PIEZO2: variants seen among roughly 807,000 people sequenced by gnomAD.
The protein encoded by PIEZO2 is piezo type mechanosensitive ion channel component 2, also known as piezo-type mechanosensitive ion channel component 2.
PIEZO2 carries 172 observed loss-of-function variants against 337.3 expected under a neutral mutation model. The observed-to-expected ratio is 0.51, with a 90% confidence interval of 0.45 to 0.58. The LOEUF (loss-of-function observed/expected upper bound fraction) is 0.58. Ranked by LOEUF, PIEZO2 falls within the 20% of genes least tolerant of loss-of-function variation. The probability of loss-of-function intolerance (pLI) is 0.00; values close to 1 mark genes in which losing one functional copy is unlikely to be tolerated. For missense variants in PIEZO2, 3,028 were observed against 3,391.3 expected (o/e 0.89, Z 2.66); for synonymous variants, 1,251 against 1,228.5 (o/e 1.02, Z -0.38).
In PIEZO2 at chr18:10,758,181, A is replaced by C. The variant is rs942286908; in HGVS notation, c.3758-47T>G. The C allele has an allele frequency of 7.3e-6, 11 of 1,514,398 alleles. No homozygotes were observed. In the African/African-American group the frequency reaches 1.5e-4, roughly 21 times the overall value. The allele number at this position is 1,514,398 out of a possible 1,614,324, so 93.8% of individuals were successfully genotyped here. On this transcript the variant is annotated intron_variant, in intron 26 of 55. Coordinates refer to ENST00000674853, the MANE Select transcript of PIEZO2 (RefSeq NM_001378183.1). Reference sequence around the variant, plus strand: ...CATTAAGCCGCCTCATCCTCTTCTGATTTACATAATGCAACACACAGTCAT... The same window carrying C: ...CATTAAGCCGCCTCATCCTCTTCTGCTTTACATAATGCAACACACAGTCAT...
In PIEZO2 at chr18:10,979,802, T is replaced by A. The variant is rs1295870696; in HGVS notation, c.161-142A>T. On this transcript the variant is annotated intron_variant, in intron 2 of 55. Coordinates refer to ENST00000674853, the MANE Select transcript of PIEZO2 (RefSeq NM_001378183.1). The surrounding 1 kb of genome is among the most constrained non-coding windows in gnomAD (Gnocchi z 4.0). ...ATGTAATAATTATCATCTTAATTAT[T>A]AGTCTATAGCTAAATGGTATCTTAT... 3 of 720,478 alleles carry A rather than the reference T, an allele frequency of 4.2e-6. No homozygotes were observed. Among genetic ancestry groups the A allele is most frequent in the Non-Finnish European group, 6.0e-6 (3 of 498,030 alleles). 44.6% of individuals were successfully genotyped at this position (720,478 alleles called of 1,614,324 possible). A position where few individuals can be genotyped will look rare whatever the true frequency, so the allele number is the denominator to read the frequency against.
chr18:11,147,842 C>G (rs2040847482), intron 1 of PIEZO2, among the ~76,000 whole-genome samples: 2 of 152,234 alleles, frequency 1.3e-5, no homozygotes, highest in Admixed American at 6.5e-5. Flanking sequence ...CCTTGCCAGT[C>G]CCAAGGAGTT....
Position 10,979,678 on chromosome 18 carries a change from C to T in PIEZO2, c.161-18G>A, listed in dbSNP as rs1275202674. The stretch of plus-strand genomic sequence containing the variant: ...CGTATGTCCTAAGGGATAAAAAGTG[C>T]AGAGATTGTGAGAGAGCTTAAGATG... On this transcript the variant is annotated intron_variant, in intron 2 of 55. Coordinates refer to ENST00000674853, the MANE Select transcript of PIEZO2 (RefSeq NM_001378183.1). The surrounding 1 kb of genome is among the most constrained non-coding windows in gnomAD (Gnocchi z 4.0). 10 of 1,520,314 alleles carry T rather than the reference C, an allele frequency of 6.6e-6. No homozygotes were observed. 94.2% of individuals were successfully genotyped at this position (1,520,314 alleles called of 1,614,324 possible).
chr18:11,059,966 A>G (rs955162760), intron 2 of PIEZO2, among the ~76,000 whole-genome samples: 35 of 152,172 alleles, frequency 2.3e-4, no homozygotes, highest in Non-Finnish European at 4.0e-4. Flanking sequence ...TCTTCTCAGC[A>G]CCACACCGCA....
At position 10,762,950 on chromosome 18, in the gene PIEZO2, G is replaced by C. The variant is rs2038200004; in HGVS notation, c.3095C>G (p.Pro1032Arg). ...KMLYQLQTIK[P>R]ENFSVNCSLP... Reference sequence around the variant, plus strand: ...GGAACAGTTAACAGAGAAGTTCTCAGGCTTAATGGTTTGGAGCTGGTACAA... The same window carrying C: ...GGAACAGTTAACAGAGAAGTTCTCACGCTTAATGGTTTGGAGCTGGTACAA... Residue 1032 changes from proline (P) to arginine (R), a missense_variant, in exon 22 of 56, where the codon CCT (proline) becomes CGT (arginine). Physicochemically the swap from Pro to Arg is moderately radical, Grantham distance 103. Around this residue, in one of 5 missense-constraint regions of PIEZO2, gnomAD observed 1,925 missense variants for 2,051.9 expected, o/e 0.94. Transcript: ENST00000674853. The C allele has an allele frequency of 2.0e-6, 3 of 1,537,298 alleles. No homozygotes were observed. The highest frequency in any genetic ancestry group is 2.6e-6 in the Non-Finnish European group (3 of 1,146,920).
chr18:10,861,167 T>C lies in PIEZO2; in HGVS notation c.493-3956A>G, dbSNP rs938112326. 1.3e-5 allele frequency among the ~76,000 whole-genome samples: 2 copies of C among 152,212 alleles called. No individual in the cohort carries two copies. The highest frequency in any genetic ancestry group is 2.9e-5 in the Non-Finnish European group (2 of 68,022). ...CTCGCATGTTTACTAACAGGCAGTC[T>C]TGCTTGCTGGAGCTGTAAGCTGTCC... On this transcript the variant is annotated intron_variant, in intron 5 of 55. Coordinates refer to ENST00000674853, the MANE Select transcript of PIEZO2 (RefSeq NM_001378183.1). This position sits in a 1 kb window ranked among gnomAD's most constrained non-coding sequence, Gnocchi z 4.3.
At chr18:10,987,004 G>T (rs1048093097) in intron 2 of PIEZO2, among the ~76,000 whole-genome samples, 1 of 151,846 alleles carries the variant, frequency 6.6e-6, no homozygotes, top group Admixed American at 6.6e-5. Flanking sequence ...TTGCCAAGGA[G>T]GTGAAAGATC....
chr18:11,148,429 C>G lies in PIEZO2; in HGVS notation c.64+96G>C. The G allele has an allele frequency of 7.2e-7, 1 of 1,386,444 alleles. No individual in the cohort carries two copies. Among genetic ancestry groups the G allele is most frequent in the Non-Finnish European group, 9.9e-7 (1 of 1,014,412 alleles). The allele number at this position is 1,386,444 out of a possible 1,614,324, so 85.9% of individuals were successfully genotyped here. On this transcript the variant is annotated intron_variant, in intron 1 of 55. Coordinates refer to ENST00000674853, the MANE Select transcript of PIEZO2 (RefSeq NM_001378183.1). The surrounding 1 kb of genome is among the most constrained non-coding windows in gnomAD (Gnocchi z 5.2). ...CGCCGCTGGCCTCCCGAATCGAACC[C>G]CAGAGCACCAGAGCCCTTCACTTTG...
At position 10,699,069 on chromosome 18, in the gene PIEZO2, G is replaced by C; in HGVS notation, c.6550C>G (p.Leu2184Val). The C allele has an allele frequency of 6.5e-7, 1 of 1,537,232 alleles. No homozygotes were observed. Among genetic ancestry groups the C allele is most frequent in the Non-Finnish European group, 8.7e-7 (1 of 1,146,910 alleles). ...GACGCGGCCAGGTTGATGGACTTGA[G>C]AGAATCGGAGGAGTCCCTCCTGCCA... Reference protein sequence around the residue: ...GHGRRDSSDSLKSINLAASVE... With the variant: ...GHGRRDSSDSVKSINLAASVE... Residue 2184 changes from leucine to valine, a missense_variant, in exon 44 of 56, where the codon CTC becomes GTC. Leu to Val is a conservative substitution (Grantham distance 32, BLOSUM62 1). Transcript: ENST00000674853.
chr18:10,900,485 T>G (rs565062153), intron 4 of PIEZO2, among the ~76,000 whole-genome samples: 74 of 152,328 alleles, frequency 4.9e-4, no homozygotes, highest in African/African-American at 1.7e-3. Flanking sequence ...TATGATGAAA[T>G]GCAGATATCT....
At chr18:10,792,955 TA>T in intron 13 of PIEZO2, among the ~76,000 whole-genome samples, 1 of 152,328 alleles carries the variant, frequency 6.6e-6, no homozygotes, top group East Asian at 1.9e-4. Flanking sequence ...TCTGCCTTTT[TA>T]AAAATTATAG....
chr18:10,767,622 A>G lies in PIEZO2; in HGVS notation c.2946+2526T>C, dbSNP rs2038418983. Among the ~76,000 whole-genome samples the G allele has an allele frequency of 6.6e-6, 1 of 152,102 alleles. No homozygotes were observed. Among genetic ancestry groups the G allele is most frequent in the Non-Finnish European group, 1.5e-5 (1 of 68,014 alleles). On this transcript the variant is annotated intron_variant, in intron 21 of 55. Transcript: ENST00000674853. This position sits in a 1 kb window ranked among gnomAD's most constrained non-coding sequence, Gnocchi z 4.2. ...GCACTGGTACCCATGGGGCCAGAAG[A>G]GATGAAGAGCTCTGGTTACAGGGTG...
chr18:10,992,487 A>C (rs780523352), intron 2 of PIEZO2, among the ~76,000 whole-genome samples: 1 of 152,202 alleles, frequency 6.6e-6, no homozygotes, highest in African/African-American at 2.4e-5. Context: ...TTAAAGACAG[A>C]ATCCCTTCCC....
At chr18:10,882,595 A>AT (rs770918294) in intron 4 of PIEZO2, among the ~76,000 whole-genome samples, 4 of 152,038 alleles carry the variant, frequency 2.6e-5, no homozygotes, top group African/African-American at 9.7e-5. Context: ...CATTTAAAAC[A>AT]TTTTTTCCCA....
intron 47 of PIEZO2, among the ~76,000 whole-genome samples, chr18:10,693,534 A>T (rs1277964531): frequency 7.5e-5 from 11 of 146,468 alleles, no homozygotes; most frequent in Non-Finnish European, 1.2e-4. Flanking sequence ...CACATAAGGC[A>T]TTTTTTTTTT....
At chr18:10,946,795 C>G (rs753698493) in intron 3 of PIEZO2, among the ~76,000 whole-genome samples, 1 of 151,960 alleles carries the variant, frequency 6.6e-6, no homozygotes, top group Non-Finnish European at 1.5e-5. Flanking sequence ...ATCCAAAACA[C>G]CTATGATAGA....
intron 7 of PIEZO2, among the ~76,000 whole-genome samples, chr18:10,825,822 A>G (rs1234574940): frequency 6.6e-6 from 1 of 152,076 alleles, no homozygotes; most frequent in Non-Finnish European, 1.5e-5. Flanking sequence ...AAATGCTGGT[A>G]TTATGGGTGT....
chr18:11,036,356 A>G (rs1443051789), intron 2 of PIEZO2, among the ~76,000 whole-genome samples: 5 of 152,026 alleles, frequency 3.3e-5, no homozygotes, highest in Non-Finnish European at 7.4e-5. Context: ...CATCTTAGGG[A>G]CTCTGAATTC....
In PIEZO2 at chr18:10,672,802, C is replaced by G. The variant is rs777473414; in HGVS notation, c.8233G>C (p.Val2745Leu). 1.2e-6 allele frequency: 2 copies of G among 1,613,328 alleles called. No individual in the cohort carries two copies. The highest frequency in any genetic ancestry group is 1.1e-5 in the South Asian group (1 of 91,048). The part of the protein sequence containing the change: ...NTTKYNSEWW[V>L]LNLTGNRIYN... ...ATTCTGTTTCCAGTCAGGTTGAGAA[C>G]CCACCACTCACTGTTATATTTAGTT... Residue 2745 changes from valine to leucine, a missense_variant, in exon 55 of 56, where the codon GTT becomes CTT. By Grantham distance (32) the Val-to-Leu change is conservative. Around this residue, in one of 5 missense-constraint regions of PIEZO2, gnomAD observed 332 missense variants for 363.8 expected, o/e 0.91. Transcript: ENST00000674853. This position sits in a 1 kb window ranked among gnomAD's most constrained non-coding sequence, Gnocchi z 4.7.
Sources: gnomAD v4.1 joint callset for allele counts (sites outside exome capture counted in the v4.1 genomes callset) on GRCh38, gnomAD v4.1.1 for gene constraint, gnomAD v4.1.1 regional missense constraint, Gnocchi (gnomAD v3.1) non-coding constraint, MANE v1.5 for transcripts, NCBI Gene and HGNC (gene_info 2026-07-23, HGNC 2026-07-21) for gene names.